The following PIK3C2A variants were observed in gnomAD, a reference collection of about 807,000 sequenced individuals.
PIK3C2A encodes the protein phosphatidylinositol-4-phosphate 3-kinase catalytic subunit type 2 alpha.
Under a neutral mutation model 204.5 loss-of-function variants are expected in PIK3C2A, and 97 were observed. That is an observed-to-expected ratio of 0.47 (90% confidence interval 0.40 to 0.56). The LOEUF is 0.56. PIK3C2A is among the 20% of genes least tolerant of loss of function. The probability of loss-of-function intolerance (pLI) is 0.00; values close to 1 mark genes in which losing one functional copy is unlikely to be tolerated. For synonymous variants in PIK3C2A, 653 were observed against 664.4 expected, an observed-to-expected ratio of 0.98 and a Z score of 0.26; for missense variants, 1,735 against 1,969.2, an observed-to-expected ratio of 0.88 and a Z score of 2.25.
chr11:17,189,062 G>C (rs1423928182), intron 1 of PIK3C2A, among the ~76,000 whole-genome samples: 1 of 146,866 alleles, frequency 6.8e-6, no homozygotes, highest in African/African-American at 2.7e-5. Context: ...TGGCAGCTCA[G>C]CTGGCAAAAC....
Position 17,105,363 on chromosome 11 carries a change from C to T in PIK3C2A, c.3545-58G>A, listed in dbSNP as rs1002643809. The T allele has an allele frequency of 3.6e-6, 5 of 1,398,392 alleles. No homozygotes were observed. In the East Asian group the frequency reaches 1.2e-4, roughly 33 times the overall value. 86.6% of individuals were successfully genotyped at this position (1,398,392 alleles called of 1,614,324 possible). On this transcript the variant is annotated intron_variant, in intron 22 of 32. Coordinates refer to ENST00000691414, the MANE Select transcript of PIK3C2A (RefSeq NM_002645.4). ...TGTCTCTCCAAAGTAAGCCTTTAAA[C>T]ATTTTTAAAAATTATTATTACTTTT...
At chr11:17,198,818 A>ACAAC (rs1333392583) in intron 1 of PIK3C2A, among the ~76,000 whole-genome samples, 1 of 29,086 alleles carries the variant, frequency 3.4e-5, no homozygotes, top group African/African-American at 1.3e-4. Context: ...AAACAAAACA[A>ACAAC]AAAAAAAAAG....
intron 20 of PIK3C2A, among the ~76,000 whole-genome samples, chr11:17,114,116 A>AAATAAATAAATAAATAAAT (rs1334343733): frequency 1.1e-5 from 1 of 92,160 alleles, no homozygotes; most frequent in Non-Finnish European, 2.7e-5. Flanking sequence ...AATAAATAAA[A>AAATAAATAAATAAATAAAT]AGGTGAGACC....
At chr11:17,149,567 T>C (rs2137432934) in intron 4 of PIK3C2A, among the ~76,000 whole-genome samples, 1 of 152,270 alleles carries the variant, frequency 6.6e-6, no homozygotes, top group South Asian at 2.1e-4. Context: ...GTTTGACATT[T>C]GCCTGGTATA....
At chr11:17,157,373 T>C (rs1850630457) in intron 2 of PIK3C2A, among the ~76,000 whole-genome samples, 1 of 150,736 alleles carries the variant, frequency 6.6e-6, no homozygotes, top group African/African-American at 2.4e-5. Context: ...GGCGGGAAAA[T>C]TGCTTGAACC....
chr11:17,159,437 T>C (rs1055839906), intron 2 of PIK3C2A, among the ~76,000 whole-genome samples: 1 of 152,262 alleles, frequency 6.6e-6, no homozygotes, highest in African/African-American at 2.4e-5. Context: ...ATATGTTGTG[T>C]TTGAAAATCC....
At position 17,172,534 on chromosome 11, in the gene PIK3C2A, C is replaced by A. The variant is rs191207874; in HGVS notation, c.-65-2728G>T. ...AAGCCAAATTGATAACCCACAGAAT[C>A]ATTTTGGAATGATTCTGTTACATAG... is the stretch of plus-strand genomic sequence containing the variant. On this transcript the variant is annotated intron_variant, in intron 1 of 32. Transcript: ENST00000691414. Among the ~76,000 whole-genome samples the A allele has an allele frequency of 4.6e-4, 70 of 152,320 alleles. 1 individual carries two copies. In the South Asian group the frequency reaches 0.012, roughly 27 times the overall value.
At chr11:17,166,740 A>G (rs1346135873) in intron 2 of PIK3C2A, among the ~76,000 whole-genome samples, 1 of 152,210 alleles carries the variant, frequency 6.6e-6, no homozygotes, top group Non-Finnish European at 1.5e-5. Context: ...GGTTCAAGGC[A>G]GTTGCCCTTC....
At chr11:17,145,971 C>T in intron 6 of PIK3C2A, 29 bp from the exon 7 acceptor site, 1 of 1,506,378 alleles carries the variant, frequency 6.6e-7, no homozygotes, top group Non-Finnish European at 9.2e-7. Flanking sequence ...ACAAAAAAAT[C>T]ACATCCACTC....
chr11:17,111,741 G>T (rs947180451), intron 21 of PIK3C2A, among the ~76,000 whole-genome samples: 2 of 151,822 alleles, frequency 1.3e-5, no homozygotes. Context: ...GTTGGACGTG[G>T]TGGCACGTGT....
intron 8 of PIK3C2A, among the ~76,000 whole-genome samples, chr11:17,142,852 G>C (rs1057415376): frequency 2.6e-5 from 4 of 152,076 alleles, no homozygotes; most frequent in African/African-American, 9.7e-5. Context: ...GCATATAAGA[G>C]AATGGGAAGA....
At chr11:17,189,919 T>C (rs1302328036) in intron 1 of PIK3C2A, among the ~76,000 whole-genome samples, 1 of 134,532 alleles carries the variant, frequency 7.4e-6, no homozygotes, top group Non-Finnish European at 1.6e-5. Context: ...GTAAAGGAAA[T>C]AGTCAAAATA....
intron 12 of PIK3C2A, among the ~76,000 whole-genome samples, chr11:17,131,419 ATTTT>A (rs68020564): frequency 5.0e-5 from 4 of 79,464 alleles, no homozygotes; most frequent in Non-Finnish European, 8.3e-5. Flanking sequence ...AGGGTATTTC[ATTTT>A]TTTTTTTTTT....
At chr11:17,096,269 C>A (rs1266035679) in intron 27 of PIK3C2A, among the ~76,000 whole-genome samples, 1 of 152,066 alleles carries the variant, frequency 6.6e-6, no homozygotes, top group Non-Finnish European at 1.5e-5. Flanking sequence ...GAACTCCTGA[C>A]CTCAGGTGAT....
intron 8 of PIK3C2A, among the ~76,000 whole-genome samples, chr11:17,143,888 G>A (rs1308241780): frequency 6.6e-6 from 1 of 152,090 alleles, no homozygotes; most frequent in African/African-American, 2.4e-5. Flanking sequence ...AGTGAACCAA[G>A]ATCACATCAC....
At chr11:17,093,651 G>T (rs559116607) in intron 28 of PIK3C2A, among the ~76,000 whole-genome samples, 2 of 150,456 alleles carry the variant, frequency 1.3e-5, no homozygotes, top group Non-Finnish European at 1.5e-5. Flanking sequence ...TTTTTTTGGG[G>T]GGGGGGGACA....
chr11:17,099,762 A>G, intron 26 of PIK3C2A, 98 bp downstream of exon 26: 1 of 605,574 alleles, frequency 1.7e-6, no homozygotes, highest in Non-Finnish European at 2.9e-6. Flanking sequence ...TGTTCCTATA[A>G]ATTAGAATTT....
intron 13 of PIK3C2A, among the ~76,000 whole-genome samples, 186 bp from the exon 14 acceptor site, chr11:17,122,999 T>C (rs1009439154): frequency 1.3e-5 from 2 of 152,124 alleles, no homozygotes; most frequent in Admixed American, 6.5e-5. Context: ...GGTAAATGTA[T>C]TGAAATGTAG....
At chr11:17,164,275 A>G (rs1850875164) in intron 2 of PIK3C2A, among the ~76,000 whole-genome samples, 1 of 149,188 alleles carries the variant, frequency 6.7e-6, no homozygotes, top group Admixed American at 6.7e-5. Flanking sequence ...TCACTTGAGT[A>G]TGGGAGGTAG....
Sources: gnomAD v4.1 joint callset for allele counts (sites outside exome capture counted in the v4.1 genomes callset) on GRCh38, gnomAD v4.1.1 for gene constraint, MANE v1.5 for transcripts, NCBI Gene and HGNC (gene_info 2026-07-23, HGNC 2026-07-21) for gene names.